Variants in TTC28 observed in about 807,000 individuals in gnomAD.
The protein encoded by TTC28 is tetratricopeptide repeat protein 28.
Under a neutral mutation model 198.0 loss-of-function variants are expected in TTC28, and 61 were observed. The observed-to-expected ratio is 0.31, with a 90% confidence interval of 0.25 to 0.38. TTC28 has a LOEUF of 0.38. TTC28 is among the 10% of genes least tolerant of loss of function. The pLI is 1.00. For synonymous variants in TTC28, 1,171 were observed against 1,297.8 expected, an observed-to-expected ratio of 0.90 and a Z score of 2.10; for missense variants, 2,678 against 3,164.0, an observed-to-expected ratio of 0.85 and a Z score of 3.69.
intron 14 of TTC28, among the ~76,000 whole-genome samples, chr22:28,009,150 C>T (rs1009494154): frequency 2.0e-5 from 3 of 152,180 alleles, no homozygotes; most frequent in African/African-American, 7.2e-5. Flanking sequence ...CGGACATGCT[C>T]ACCCCATCCT....
At chr22:28,554,957 C>T (rs2049764497) in intron 2 of TTC28, among the ~76,000 whole-genome samples, 1 of 151,990 alleles carries the variant, frequency 6.6e-6, no homozygotes, top group Non-Finnish European at 1.5e-5. Context: ...TCTATATATC[C>T]AACAAAGGAC....
At chr22:28,658,168 T>A (rs960658732) in intron 1 of TTC28, among the ~76,000 whole-genome samples, 4 of 151,948 alleles carry the variant, frequency 2.6e-5, no homozygotes, top group African/African-American at 9.7e-5. Flanking sequence ...ACAAGAAAAA[T>A]TTTCAAAAAA....
chr22:28,638,528 A>G (rs926677839), intron 1 of TTC28, among the ~76,000 whole-genome samples: 3 of 152,092 alleles, frequency 2.0e-5, no homozygotes, highest in Admixed American at 2.0e-4. Context: ...CAAATCGGTT[A>G]AAAAAATGCA....
intron 1 of TTC28, among the ~76,000 whole-genome samples, chr22:28,658,677 T>C (rs2051696968): frequency 6.6e-6 from 1 of 152,180 alleles, no homozygotes; most frequent in Admixed American, 6.5e-5. Context: ...ATGATTAAGA[T>C]GGTAATTTGA....
intron 2 of TTC28, among the ~76,000 whole-genome samples, chr22:28,533,592 G>A (rs1408981956): frequency 6.6e-6 from 1 of 152,168 alleles, no homozygotes; most frequent in South Asian, 2.1e-4. Context: ...AACAGAGCCT[G>A]CATTGCCAAG....
At chr22:28,430,300 C>A (rs536777617) in intron 2 of TTC28, among the ~76,000 whole-genome samples, 2 of 152,160 alleles carry the variant, frequency 1.3e-5, no homozygotes, top group Non-Finnish European at 2.9e-5. Context: ...CTAAATTTAC[C>A]ACTATAGCAC....
At chr22:28,530,412 A>G (rs1003536367) in intron 2 of TTC28, among the ~76,000 whole-genome samples, 3 of 152,224 alleles carry the variant, frequency 2.0e-5, no homozygotes, top group Admixed American at 6.5e-5. Flanking sequence ...GGACTATGTG[A>G]AAAGACCAAA....
At chr22:28,654,275 A>AT (rs2051609183) in intron 1 of TTC28, among the ~76,000 whole-genome samples, 1 of 152,216 alleles carries the variant, frequency 6.6e-6, no homozygotes, top group Non-Finnish European at 1.5e-5. Flanking sequence ...CAGAACTGAG[A>AT]TTCTGCTAAG....
At chr22:28,438,149 C>A (rs1159934115) in intron 2 of TTC28, among the ~76,000 whole-genome samples, 1 of 152,162 alleles carries the variant, frequency 6.6e-6, no homozygotes, top group Non-Finnish European at 1.5e-5. Context: ...TGATGTTATA[C>A]TATTAAATAA....
chr22:28,229,922 G>C (rs187993320), intron 5 of TTC28, among the ~76,000 whole-genome samples: 1 of 152,046 alleles, frequency 6.6e-6, no homozygotes, highest in Non-Finnish European at 1.5e-5. Context: ...AATCTAAAAA[G>C]GGCAAAATTC....
intron 2 of TTC28, among the ~76,000 whole-genome samples, chr22:28,469,054 C>T (rs2048065116): frequency 6.6e-6 from 1 of 152,186 alleles, no homozygotes; most frequent in African/African-American, 2.4e-5. Context: ...TCTCTAGGAA[C>T]TGCACCTCCT....
At chr22:28,636,648 C>T (rs1251918718) in intron 1 of TTC28, among the ~76,000 whole-genome samples, 2 of 152,066 alleles carry the variant, frequency 1.3e-5, no homozygotes, top group East Asian at 3.9e-4. Flanking sequence ...CTTTTCACAC[C>T]CCTCTTAGCA....
chr22:28,082,198 AATAGAG>A (rs1279464161), intron 12 of TTC28, among the ~76,000 whole-genome samples: 1 of 152,200 alleles, frequency 6.6e-6, no homozygotes, highest in Admixed American at 6.5e-5. Flanking sequence ...GTCATCTGTG[AATAGAG>A]ATAATTTCAC....
At chr22:28,040,950 A>T (rs983703534) in intron 12 of TTC28, among the ~76,000 whole-genome samples, 1 of 152,196 alleles carries the variant, frequency 6.6e-6, no homozygotes, top group Non-Finnish European at 1.5e-5. Flanking sequence ...TAATAGACAA[A>T]CAGCCAAATC....
At chr22:28,282,658 C>A (rs2044606584) in intron 5 of TTC28, among the ~76,000 whole-genome samples, 1 of 152,222 alleles carries the variant, frequency 6.6e-6, no homozygotes, top group Non-Finnish European at 1.5e-5. Flanking sequence ...AGAGCTTCCA[C>A]AAGAGGTCTG....
At chr22:28,504,868 AT>A (rs1003942902) in intron 2 of TTC28, among the ~76,000 whole-genome samples, 1 of 152,178 alleles carries the variant, frequency 6.6e-6, no homozygotes, top group Non-Finnish European at 1.5e-5. Context: ...AATTTAAACA[AT>A]TTTTGATATA....
At position 28,014,665 on chromosome 22, in the gene TTC28, C is replaced by G. The variant is rs537578668; in HGVS notation, c.4074-273G>C. Among the ~76,000 whole-genome samples the G allele has an allele frequency of 1.7e-4, 26 of 152,344 alleles. No individual in the cohort carries two copies. The South Asian group carries it at 5.4e-3, about 32-fold the overall frequency. On this transcript the variant is annotated intron_variant, in intron 13 of 22. Transcript: ENST00000397906. ...CTACATAATCAAATGTCCCTAAGTG[C>G]TGTTCAAAGGATTTAATTACATCCT...
chr22:28,344,507 C>A (rs530245246), intron 2 of TTC28, among the ~76,000 whole-genome samples: 1 of 152,210 alleles, frequency 6.6e-6, no homozygotes, highest in Admixed American at 6.5e-5. Context: ...CTCTAACATG[C>A]TGAAAGATCT....
chr22:28,313,705 C>T lies in TTC28; in HGVS notation c.382-7062G>A, dbSNP rs1004858113. 3.3e-5 allele frequency among the ~76,000 whole-genome samples: 5 copies of T among 152,120 alleles called. No homozygotes were observed. The South Asian group carries it at 6.2e-4, about 19-fold the overall frequency. ...TCTCAATAAACTAAGTAAGATGGAA[C>T]GTATCTCAGCATAATAAGAGCTGTT... On this transcript the variant is annotated intron_variant, in intron 2 of 22. Coordinates refer to ENST00000397906, the MANE Select transcript of TTC28 (RefSeq NM_001145418.2).
Sources: gnomAD v4.1 joint callset for allele counts (sites outside exome capture counted in the v4.1 genomes callset) on GRCh38, gnomAD v4.1.1 for gene constraint, MANE v1.5 for transcripts, NCBI Gene and HGNC (gene_info 2026-07-23, HGNC 2026-07-21) for gene names.